Variants in PDE2A observed in about 807,000 individuals in gnomAD.
The protein encoded by PDE2A is phosphodiesterase 2A.
In PDE2A, 53 loss-of-function variants were observed where a neutral mutation model predicts 133.6. The observed-to-expected ratio is 0.40, with a 90% CI of 0.32 to 0.50. PDE2A has a LOEUF of 0.50. PDE2A is among the 20% of genes least tolerant of loss of function. The probability of loss-of-function intolerance (pLI) is 0.73; values close to 1 mark genes in which losing one functional copy is unlikely to be tolerated. For missense variants in PDE2A, 796 were observed against 1,232.4 expected (o/e 0.65, Z 5.30); for synonymous variants, 491 against 490.2 (o/e 1.00, Z -0.02).
At chr11:72,588,185 GGCACCTACT>G (rs1232833123) in intron 13 of PDE2A, among the ~76,000 whole-genome samples, 2 of 152,192 alleles carry the variant, frequency 1.3e-5, no homozygotes, top group South Asian at 2.1e-4. Flanking sequence ...ATAAAATTCA[GGCACCTACT>G]GCCTGTTTAT....
intron 6 of PDE2A, 64 bp from the exon 7 acceptor site, chr11:72,591,420 C>T: frequency 1.6e-6 from 2 of 1,269,326 alleles, no homozygotes; most frequent in Non-Finnish European, 1.2e-6. Flanking sequence ...GCCAGAGTGC[C>T]CTCCCCATGC....
At chr11:72,614,907 G>A (rs1047894452) in intron 2 of PDE2A, among the ~76,000 whole-genome samples, 2 of 152,050 alleles carry the variant, frequency 1.3e-5, no homozygotes, top group Admixed American at 6.5e-5. Context: ...GGGGCCACTC[G>A]CAGCGCAGGA....
At chr11:72,661,549 C>A (rs1591140792) in intron 1 of PDE2A, among the ~76,000 whole-genome samples, 1 of 152,312 alleles carries the variant, frequency 6.6e-6, no homozygotes, top group East Asian at 1.9e-4. Context: ...TGGCAGGAAG[C>A]ACTCCAAGGC....
At chr11:72,602,475 C>A (rs1856798753) in intron 4 of PDE2A, among the ~76,000 whole-genome samples, 1 of 152,190 alleles carries the variant, frequency 6.6e-6, no homozygotes, top group African/African-American at 2.4e-5. Context: ...ACCCCCACCT[C>A]CTCGGGCACT....
chr11:72,581,212 T>C, intron 23 of PDE2A, 145 bp downstream of exon 23: 1 of 848,086 alleles, frequency 1.2e-6, no homozygotes, highest in East Asian at 2.6e-5. Context: ...AAGATGGGGC[T>C]CACAGCCTTC....
At chr11:72,660,809 C>T (rs535343381) in intron 1 of PDE2A, among the ~76,000 whole-genome samples, 8 of 151,814 alleles carry the variant, frequency 5.3e-5, no homozygotes, top group South Asian at 2.1e-4. Flanking sequence ...TTTCACTGCA[C>T]GTAGAAGTAG....
intron 18 of PDE2A, 95 bp from the exon 19 acceptor site, chr11:72,584,408 GT>G: frequency 8.0e-7 from 1 of 1,251,502 alleles, no homozygotes; most frequent in Non-Finnish European, 1.2e-6. Flanking sequence ...GTTTCCGCAG[GT>G]TACGTACGTC....
At chr11:72,638,900 T>C (rs2135431576) in intron 2 of PDE2A, among the ~76,000 whole-genome samples, 1 of 152,298 alleles carries the variant, frequency 6.6e-6, no homozygotes, top group South Asian at 2.1e-4. Context: ...CAAGATCCCT[T>C]TTGCCAGTCA....
intron 1 of PDE2A, among the ~76,000 whole-genome samples, chr11:72,645,426 T>C (rs562807578): frequency 9.2e-5 from 14 of 152,312 alleles, no homozygotes; most frequent in African/African-American, 3.4e-4. Context: ...CCAAGGCTCC[T>C]TGAGTTGGCA....
intron 1 of PDE2A, among the ~76,000 whole-genome samples, chr11:72,673,207 C>T (rs565380100): frequency 6.6e-6 from 1 of 152,238 alleles, no homozygotes; most frequent in South Asian, 2.1e-4. Context: ...AATATACAAA[C>T]TCAACCTAAT....
intron 2 of PDE2A, among the ~76,000 whole-genome samples, chr11:72,638,975 C>T (rs1858832393): frequency 6.6e-6 from 1 of 152,208 alleles, no homozygotes; most frequent in Non-Finnish European, 1.5e-5. Flanking sequence ...CTTCAAGGTC[C>T]AGTTCAAGCC....
At chr11:72,634,013 C>T (rs573457137) in intron 2 of PDE2A, among the ~76,000 whole-genome samples, 4 of 152,264 alleles carry the variant, frequency 2.6e-5, no homozygotes, top group South Asian at 4.1e-4. Context: ...CCTCCTTATC[C>T]GAAGAATAAA....
intron 19 of PDE2A, 183 bp from the exon 20 acceptor site, chr11:72,583,698 C>T: frequency 1.7e-6 from 1 of 590,644 alleles, no homozygotes; most frequent in Non-Finnish European, 3.0e-6. Flanking sequence ...AGACCCCGCG[C>T]CGGTTCCTCC....
intron 2 of PDE2A, among the ~76,000 whole-genome samples, chr11:72,609,858 G>A (rs931407814): frequency 1.1e-4 from 13 of 118,024 alleles, no homozygotes; most frequent in Non-Finnish European, 1.9e-5. Context: ...ATGAGGTTGA[G>A]GGTCTTAAAA....
At chr11:72,621,366 C>G (rs1857760632) in intron 2 of PDE2A, among the ~76,000 whole-genome samples, 1 of 152,242 alleles carries the variant, frequency 6.6e-6, no homozygotes, top group African/African-American at 2.4e-5. Flanking sequence ...GCTGAGCCCA[C>G]TTGAATCACA....
intron 4 of PDE2A, chr11:72,598,605 T>C (rs1169015095): frequency 1.6e-6 from 2 of 1,289,054 alleles, no homozygotes; most frequent in Non-Finnish European, 2.0e-6. Context: ...AGGAACTGCC[T>C]GGCCTGGACA....
Position 72,597,656 on chromosome 11 carries a change from G to A in PDE2A, c.324-37C>T, listed in dbSNP as rs777290549. ...ACATGATGCCACCTTGAGAGCCCCC[G>A]ACTCAGGGAGGAACGAGGCCTGGCC... On this transcript the variant is annotated intron_variant, in intron 4 of 30. Coordinates refer to ENST00000334456, the MANE Select transcript of PDE2A (RefSeq NM_002599.5). The surrounding 1 kb of genome is among the most constrained non-coding windows in gnomAD (Gnocchi z 4.6). 19 of 1,393,114 alleles carry A rather than the reference G, an allele frequency of 1.4e-5. No homozygotes were observed. Among genetic ancestry groups the A allele is most frequent in the Middle Eastern group, 1.8e-4 (1 of 5,640 alleles). The allele number at this position is 1,393,114 out of a possible 1,614,324, so 86.3% of individuals were successfully genotyped here. A position where few individuals can be genotyped will look rare whatever the true frequency, so the allele number is the denominator to read the frequency against.
At chr11:72,583,587 T>G in intron 19 of PDE2A, 72 bp from the exon 20 acceptor site, 1 of 1,008,038 alleles carries the variant, frequency 9.9e-7, no homozygotes, top group South Asian at 1.3e-5. Context: ...AGGACTGGGA[T>G]GAAGGGGTCA....
chr11:72,633,225 G>A (rs1432803628), intron 2 of PDE2A, among the ~76,000 whole-genome samples: 1 of 152,168 alleles, frequency 6.6e-6, no homozygotes, highest in Middle Eastern at 3.2e-3. Flanking sequence ...ACCAGCCAGG[G>A]AGGTCAGGGG....
Sources: allele counts gnomAD v4.1 joint callset (sites outside exome capture counted in the v4.1 genomes callset), GRCh38; gene constraint gnomAD v4.1.1; non-coding constraint Gnocchi (gnomAD v3.1); transcripts MANE v1.5; gene names NCBI Gene and HGNC (gene_info 2026-07-23, HGNC 2026-07-21).